The following CAST variants were observed in gnomAD, a reference collection of about 807,000 sequenced individuals.
CAST encodes MIR583 host.
CAST carries 76 observed loss-of-function variants against 119.6 expected under a neutral mutation model. That is an observed-to-expected ratio of 0.64 (90% confidence interval 0.53 to 0.77). CAST has a LOEUF of 0.77. Ranked by LOEUF, CAST falls within the 30% of genes least tolerant of loss-of-function variation. The pLI is 0.00. For missense variants in CAST, 953 were observed against 946.5 expected, an observed-to-expected ratio of 1.01 and a Z score of -0.09; for synonymous variants, 319 against 331.6, an observed-to-expected ratio of 0.96 and a Z score of 0.41.
intron 1 of CAST, among the ~76,000 whole-genome samples, chr5:96,652,109 C>T (rs997434014): frequency 1.3e-5 from 2 of 152,184 alleles, no homozygotes; most frequent in African/African-American, 4.8e-5. Context: ...GAATCCAAAA[C>T]CCCTGCTTTT....
the CAST span, among the ~76,000 whole-genome samples, chr5:96,111,273 A>G: frequency 1.3e-5 from 2 of 152,234 alleles, no homozygotes; most frequent in African/African-American, 2.4e-5. Flanking sequence ...AGTCCAGCCA[A>G]TGGTCCTAGG....
chr5:96,688,673 AT>A (rs1175769425), intron 2 of CAST, among the ~76,000 whole-genome samples: 1 of 152,188 alleles, frequency 6.6e-6, no homozygotes, highest in Admixed American at 6.5e-5. Flanking sequence ...ATATTTTTGT[AT>A]TTGTATAAAA....
At chr5:96,750,455 C>T (rs567240878) in intron 19 of CAST, 132 bp from the exon 20 acceptor site, 2 of 480,732 alleles carry the variant, frequency 4.2e-6, no homozygotes, top group Admixed American at 3.6e-5. Context: ...TACTATTTAG[C>T]AATCCTTAGG....
At chr5:96,230,600 C>T in the CAST span, among the ~76,000 whole-genome samples, 4 of 152,138 alleles carry the variant, frequency 2.6e-5, no homozygotes, top group East Asian at 3.9e-4. Flanking sequence ...ATGATTTCTT[C>T]GATATGACTC....
chr5:96,644,883 G>A (rs1433818010), intron 1 of CAST, among the ~76,000 whole-genome samples: 2 of 152,184 alleles, frequency 1.3e-5, no homozygotes, highest in Non-Finnish European at 1.5e-5. Context: ...GGCTGAGGCA[G>A]GAGAATCGCT....
intron 1 of CAST, among the ~76,000 whole-genome samples, chr5:96,569,264 T>C (rs1485039661): frequency 6.6e-6 from 1 of 152,136 alleles, no homozygotes; most frequent in Non-Finnish European, 1.5e-5. Flanking sequence ...GCCACAAAGG[T>C]ATAATGTGTG....
the CAST span, among the ~76,000 whole-genome samples, chr5:96,293,871 T>C: frequency 6.6e-6 from 1 of 151,996 alleles, no homozygotes; most frequent in African/African-American, 2.4e-5. Context: ...CAATTCTCTC[T>C]GCCTCAGCCT....
intron 4 of CAST, among the ~76,000 whole-genome samples, chr5:96,725,035 G>A (rs973344784): frequency 6.6e-6 from 1 of 152,096 alleles, no homozygotes; most frequent in Non-Finnish European, 1.5e-5. Context: ...TAGAACAAAT[G>A]TCAGCAAACT....
chr5:96,201,694 G>C, the CAST span, among the ~76,000 whole-genome samples: 2 of 151,832 alleles, frequency 1.3e-5, no homozygotes, highest in African/African-American at 4.8e-5. Flanking sequence ...AGGTCCTCCA[G>C]GTCCCTGCTC....
chr5:96,192,895 T>A, the CAST span, among the ~76,000 whole-genome samples: 1 of 152,174 alleles, frequency 6.6e-6, no homozygotes, highest in Non-Finnish European at 1.5e-5. Context: ...AGCGGCACAA[T>A]GGGTATAAAT....
upstream of CAST, among the ~76,000 whole-genome samples, chr5:96,661,763 G>A (rs1441705670): frequency 6.6e-6 from 1 of 152,210 alleles, no homozygotes; most frequent in Non-Finnish European, 1.5e-5. Flanking sequence ...GTTTTGCATT[G>A]GAACCTATGT....
the CAST span, among the ~76,000 whole-genome samples, chr5:96,127,473 A>T: frequency 1.3e-5 from 2 of 152,050 alleles, no homozygotes; most frequent in Non-Finnish European, 2.9e-5. Context: ...TGAGTACTTC[A>T]CCCAGCCACA....
At chr5:96,072,882 A>G in the CAST span, among the ~76,000 whole-genome samples, 5 of 152,248 alleles carry the variant, frequency 3.3e-5, no homozygotes, top group African/African-American at 1.2e-4. Context: ...TCTAGTCAAA[A>G]TCCCAAATCC....
the CAST span, among the ~76,000 whole-genome samples, chr5:96,180,615 T>C: frequency 6.6e-6 from 1 of 151,924 alleles, no homozygotes; most frequent in Non-Finnish European, 1.5e-5. Flanking sequence ...ATTTGAAAAA[T>C]AAGAACAGAA....
rs372548668 is a variant in CAST at position 96,765,261 on chromosome 5, C to G, written c.1973C>G (p.Ser658Cys). The G allele has an allele frequency of 6.2e-6, 10 of 1,606,374 alleles. No homozygotes were observed. The African/African-American group carries it at 1.1e-4, about 17-fold the overall frequency. Residue 658 changes from serine to cysteine, a missense_variant, in exon 26 of 32, where the codon TCT becomes TGT. Coordinates refer to ENST00000675179, the MANE Select transcript of CAST (RefSeq NM_001750.7). Reference protein sequence around the residue: ...KDLDDALDKLSDSLGQRQPDP... With the variant: ...KDLDDALDKLCDSLGQRQPDP... ...CTCGATGATGCCTTGGATAAACTCT[C>G]TGACAGTCTAGGACAAAGGCAGCCT... is the stretch of plus-strand genomic sequence containing the variant.
At chr5:96,738,777 A>G (rs1431005600) in intron 11 of CAST, among the ~76,000 whole-genome samples, 1 of 152,086 alleles carries the variant, frequency 6.6e-6, no homozygotes, top group Non-Finnish European at 1.5e-5. Context: ...TACTAAAAAT[A>G]CAAAAAAATT....
At chr5:96,126,214 T>C in the CAST span, among the ~76,000 whole-genome samples, 2 of 152,124 alleles carry the variant, frequency 1.3e-5, no homozygotes, top group Admixed American at 1.3e-4. Context: ...TAATAATTTC[T>C]CAAACTCAAA....
chr5:96,378,416 T>G, the CAST span, among the ~76,000 whole-genome samples: 1 of 152,112 alleles, frequency 6.6e-6, no homozygotes, highest in Non-Finnish European at 1.5e-5. Context: ...GGATGATTAT[T>G]TTACAGTGTA....
the CAST span, among the ~76,000 whole-genome samples, chr5:96,031,615 G>T: frequency 7.1e-4 from 108 of 152,088 alleles, no homozygotes; most frequent in African/African-American, 2.5e-3. Flanking sequence ...AAATTAAAAA[G>T]TTAATAATAT....
Sources: gnomAD v4.1 joint callset for allele counts (sites outside exome capture counted in the v4.1 genomes callset) on GRCh38, gnomAD v4.1.1 for gene constraint, MANE v1.5 for transcripts, NCBI Gene and HGNC (gene_info 2026-07-23, HGNC 2026-07-21) for gene names.